Variants in ACOXL observed in about 807,000 individuals in gnomAD.
The protein encoded by ACOXL is acyl-CoA oxidase like.
Under a neutral mutation model 71.9 loss-of-function variants are expected in ACOXL, and 70 were observed. That is an observed-to-expected ratio of 0.97 (90% confidence interval 0.80 to 1.19). The LOEUF (loss-of-function observed/expected upper bound fraction) is 1.19, where lower values mean the gene tolerates loss of function less well. ACOXL is among the 50% of genes most tolerant of loss of function. ACOXL has a pLI of 0.00. For missense variants in ACOXL, 703 were observed against 736.3 expected, an observed-to-expected ratio of 0.95 and a Z score of 0.52; for synonymous variants, 253 against 281.6, an observed-to-expected ratio of 0.90 and a Z score of 1.02.
intron 14 of ACOXL, among the ~76,000 whole-genome samples, chr2:111,011,077 G>C (rs1014236819): frequency 6.6e-6 from 1 of 152,060 alleles, no homozygotes; most frequent in Non-Finnish European, 1.5e-5. Context: ...TCAATTGATG[G>C]TTTATAGCAA....
intron 1 of ACOXL, among the ~76,000 whole-genome samples, chr2:110,762,262 GC>G (rs1680501980): frequency 6.6e-6 from 1 of 152,076 alleles, no homozygotes; most frequent in Non-Finnish European, 1.5e-5. Flanking sequence ...CTTGCAGATA[GC>G]ATATTTTTAG....
intron 2 of ACOXL, among the ~76,000 whole-genome samples, chr2:110,780,871 G>GA (rs569179860): frequency 5.9e-4 from 86 of 146,958 alleles, no homozygotes; most frequent in South Asian, 1.7e-3. Flanking sequence ...CTAGTTTCCA[G>GA]AAAAAAAAAA....
At chr2:111,022,583 A>G (rs1018112425) in intron 14 of ACOXL, among the ~76,000 whole-genome samples, 1 of 152,062 alleles carries the variant, frequency 6.6e-6, no homozygotes, top group Non-Finnish European at 1.5e-5. Context: ...GGATACCCCC[A>G]AGGCAAGCAA....
chr2:111,025,980 G>A (rs2065001502), intron 14 of ACOXL, among the ~76,000 whole-genome samples: 1 of 152,090 alleles, frequency 6.6e-6, no homozygotes, highest in African/African-American at 2.4e-5. Flanking sequence ...TTTTCATGTG[G>A]ATGTTCAATT....
chr2:110,943,578 G>A (rs960376653), intron 12 of ACOXL, among the ~76,000 whole-genome samples: 2 of 152,168 alleles, frequency 1.3e-5, no homozygotes, highest in Non-Finnish European at 2.9e-5. Context: ...GTCACTGGGT[G>A]AATGAGACCC....
At chr2:110,853,362 A>T (rs1249939368) in intron 10 of ACOXL, among the ~76,000 whole-genome samples, 1 of 152,148 alleles carries the variant, frequency 6.6e-6, no homozygotes, top group Non-Finnish European at 1.5e-5. Context: ...ACTGCCCTCG[A>T]CTGAGAGCTC....
chr2:110,905,728 T>A (rs2059417091), intron 10 of ACOXL, among the ~76,000 whole-genome samples: 2 of 152,132 alleles, frequency 1.3e-5, no homozygotes, highest in Admixed American at 6.5e-5. Flanking sequence ...GGGTTGGGCT[T>A]CTGAGTTCCA....
chr2:111,108,772 AC>A lies in ACOXL; in HGVS notation c.1543-8841del, dbSNP rs367689587. Among the ~76,000 whole-genome samples the A allele has an allele frequency of 3.0e-3, 452 of 152,190 alleles. 4 individuals are homozygous for A. The highest frequency in any genetic ancestry group is 0.01 in the African/African-American group (436 of 41,526). On this transcript the variant is annotated intron_variant, in intron 17 of 17. Transcript: ENST00000439055. ...AGTCATGTTAAAGAAAGTGTCCATC[AC>A]CCAATAAATTTCTCTCAGACACTTT...
intron 2 of ACOXL, among the ~76,000 whole-genome samples, chr2:110,783,614 G>GAC (rs70958747): frequency 0.081 from 12,340 of 152,018 alleles, 696 homozygotes; most frequent in Non-Finnish European, 0.12. Context: ...TAGAAACACA[G>GAC]ACACACACAC....
intron 10 of ACOXL, among the ~76,000 whole-genome samples, chr2:110,850,735 G>C (rs1438951897): frequency 1.3e-5 from 2 of 152,090 alleles, no homozygotes; most frequent in Non-Finnish European, 2.9e-5. Context: ...GAAATGGTAC[G>C]GCCACTTTGG....
chr2:110,734,298 C>G (rs1676558940), intron 1 of ACOXL, among the ~76,000 whole-genome samples: 1 of 151,520 alleles, frequency 6.6e-6, no homozygotes, highest in Admixed American at 6.6e-5. Context: ...GAGACGGAGT[C>G]TGACTCTGTT....
At chr2:110,915,635 CCAGGCTGGT>C (rs1345572888) in intron 11 of ACOXL, among the ~76,000 whole-genome samples, 1 of 151,484 alleles carries the variant, frequency 6.6e-6, no homozygotes, top group Non-Finnish European at 1.5e-5. Context: ...ACCATGCTGG[CCAGGCTGGT>C]CTCAAACTCC....
At chr2:110,831,976 A>G (rs1404389278) in intron 9 of ACOXL, among the ~76,000 whole-genome samples, 3 of 151,566 alleles carry the variant, frequency 2.0e-5, no homozygotes, top group East Asian at 1.9e-4. Flanking sequence ...AAACTTTTAG[A>G]AAAAAAAATA....
chr2:111,112,731 G>T (rs769277766), intron 17 of ACOXL, among the ~76,000 whole-genome samples: 5 of 152,220 alleles, frequency 3.3e-5, no homozygotes, highest in African/African-American at 4.8e-5. Context: ...CACTTGAATT[G>T]TGTTTGACTT....
chr2:110,976,106 A>C (rs1479305445), intron 12 of ACOXL, among the ~76,000 whole-genome samples: 1 of 152,180 alleles, frequency 6.6e-6, no homozygotes, highest in East Asian at 1.9e-4. Context: ...CAACCTGGAG[A>C]ATTTCAGAAC....
chr2:110,764,187 A>T (rs370502308), intron 1 of ACOXL, among the ~76,000 whole-genome samples: 86 of 152,332 alleles, frequency 5.6e-4, no homozygotes, highest in African/African-American at 2.0e-3. Flanking sequence ...TGGAAAACTT[A>T]CGTGCACACA....
intron 7 of ACOXL, among the ~76,000 whole-genome samples, chr2:110,801,001 T>G (rs1035584464): frequency 4.6e-5 from 7 of 152,160 alleles, no homozygotes; most frequent in African/African-American, 7.2e-5. Flanking sequence ...ATAAAGACAT[T>G]TACTAAAGAC....
intron 10 of ACOXL, among the ~76,000 whole-genome samples, chr2:110,853,943 T>C (rs185444132): frequency 6.6e-6 from 1 of 150,490 alleles, no homozygotes; most frequent in East Asian, 2.0e-4. Flanking sequence ...TTCAATTGAA[T>C]ATAGATTAAT....
intron 1 of ACOXL, among the ~76,000 whole-genome samples, chr2:110,767,637 G>C (rs564592876): frequency 6.6e-6 from 1 of 152,244 alleles, no homozygotes; most frequent in South Asian, 2.1e-4. Flanking sequence ...AGGTAATCTC[G>C]AAGGCAACCC....
Sources: allele counts gnomAD v4.1 joint callset (sites outside exome capture counted in the v4.1 genomes callset), GRCh38; gene constraint gnomAD v4.1.1; transcripts MANE v1.5; gene names NCBI Gene and HGNC (gene_info 2026-07-23, HGNC 2026-07-21).